ADAM29: variants seen among roughly 807,000 people sequenced by gnomAD.
ADAM29 encodes the protein disintegrin and metalloproteinase domain-containing protein 29.
For missense variants in ADAM29, 969 were observed against 1,001.8 expected (o/e 0.97, Z 0.44); for synonymous variants, 367 against 342.3 (o/e 1.07, Z -0.80).
chr4:174,922,174 C>T (rs10024229), intron 2 of ADAM29, among the ~76,000 whole-genome samples: 2,003 of 152,200 alleles, frequency 0.013, 46 homozygotes, highest in African/African-American at 0.045. Context: ...CATTAATAAG[C>T]ATAATGTAAC....
At chr4:174,957,845 C>T (rs372186336) in intron 4 of ADAM29, among the ~76,000 whole-genome samples, 15 of 151,752 alleles carry the variant, frequency 9.9e-5, no homozygotes, top group East Asian at 7.7e-4. Context: ...TTAAAATGTG[C>T]GATATTTGTT....
Position 174,925,181 on chromosome 4 carries a change from G to A in ADAM29, c.-451+4389G>A, listed in dbSNP as rs542880241. Among the ~76,000 whole-genome samples the A allele has an allele frequency of 2.0e-5, 3 of 152,256 alleles. No individual in the cohort carries two copies. In the South Asian group the frequency reaches 6.2e-4, roughly 32 times the overall value. ...ATGACTAATTGTGATGTGGTGTCCTGGATGGGACCTTGGAATCACAAACAG... is the reference window on the plus strand; with the variant it reads ...ATGACTAATTGTGATGTGGTGTCCTAGATGGGACCTTGGAATCACAAACAG... On this transcript the variant is annotated intron_variant, in intron 2 of 4. Transcript: ENST00000359240.
chr4:174,972,076 AT>A (rs1165212108), intron 4 of ADAM29, among the ~76,000 whole-genome samples: 6 of 152,174 alleles, frequency 3.9e-5, no homozygotes, highest in Non-Finnish European at 7.3e-5. Context: ...CTTTGTTGAA[AT>A]TCTAACTTTT....
Position 174,976,051 on chromosome 4 carries a change from G to A in ADAM29, c.526G>A (p.Glu176Lys), listed in dbSNP as rs899870236. ...FMQNEITCRMEFEEIDNSTQK... is the reference protein window; with the variant it reads ...FMQNEITCRMKFEEIDNSTQK... The stretch of plus-strand genomic sequence containing the variant: ...GCAAAATGAAATAACATGCCGAATG[G>A]AATTTGAAGAAATTGATAATTCCAC... Residue 176 changes from glutamate (E) to lysine (K), a missense_variant, in exon 5 of 5, where the codon GAA becomes AAA. Physicochemically the swap from Glu to Lys is moderately conservative, Grantham distance 56 (BLOSUM62 1). Coordinates refer to ENST00000359240, the MANE Select transcript of ADAM29 (RefSeq NM_014269.4). The A allele has an allele frequency of 1.9e-6, 3 of 1,610,452 alleles. No homozygotes were observed. The highest frequency in any genetic ancestry group is 2.5e-6 in the Non-Finnish European group (3 of 1,179,192).
At chr4:174,933,531 A>G (rs556513194) in intron 3 of ADAM29, among the ~76,000 whole-genome samples, 1 of 152,220 alleles carries the variant, frequency 6.6e-6, no homozygotes, top group African/African-American at 2.4e-5. Context: ...TATATAGGTA[A>G]ACATATGTCA....
At chr4:174,960,568 G>T (rs1163375861) in intron 4 of ADAM29, among the ~76,000 whole-genome samples, 1 of 152,008 alleles carries the variant, frequency 6.6e-6, no homozygotes, top group Non-Finnish European at 1.5e-5. Flanking sequence ...GATGAGAAGG[G>T]ACCTAAGAAT....
At chr4:174,935,532 T>C (rs1223267213) in intron 3 of ADAM29, among the ~76,000 whole-genome samples, 2 of 152,000 alleles carry the variant, frequency 1.3e-5, no homozygotes, top group Non-Finnish European at 2.9e-5. Context: ...GTTTATTTTG[T>C]TTTTTGTTTT....
chr4:174,953,103 G>T (rs1344280204), intron 4 of ADAM29, among the ~76,000 whole-genome samples: 1 of 152,100 alleles, frequency 6.6e-6, no homozygotes, highest in East Asian at 1.9e-4. Context: ...TGGCTAACAC[G>T]ATGAAACCCC....
At chr4:174,926,392 G>A (rs974585639) in intron 2 of ADAM29, among the ~76,000 whole-genome samples, 1 of 151,962 alleles carries the variant, frequency 6.6e-6, no homozygotes, top group African/African-American at 2.4e-5. Flanking sequence ...ATTATCTCAA[G>A]TTCTGAAAAT....
In ADAM29 at chr4:174,977,007, T is replaced by C. The variant is rs745824214; in HGVS notation, c.1482T>C (p.Tyr494=). The C allele has an allele frequency of 5.0e-6, 8 of 1,614,160 alleles. No individual in the cohort carries two copies. The East Asian group carries it at 1.6e-4, about 31-fold the overall frequency. ...GIPCKERGYC[Y]EKSCHDRNEQ... is the part of the protein sequence containing the mutation. ...CCTGTAAGGAGAGGGGCTACTGCTA[T>C]GAAAAGAGCTGTCATGACCGCAATG... is the stretch of plus-strand genomic sequence containing the variant. The change falls in exon 5 of 5, where the codon TAT becomes TAC. Residue 494 remains tyrosine (Y), a synonymous_variant. Transcript: ENST00000359240.
intron 4 of ADAM29, 55 bp downstream of exon 4, chr4:174,937,068 C>T (rs1161598830): frequency 6.6e-6 from 1 of 151,930 alleles, no homozygotes; most frequent in Non-Finnish European, 1.5e-5. Context: ...TAATTTCTAT[C>T]ACAATAAAAC....
At chr4:174,939,183 C>A (rs565552097) in intron 4 of ADAM29, among the ~76,000 whole-genome samples, 1 of 152,084 alleles carries the variant, frequency 6.6e-6, no homozygotes, top group Non-Finnish European at 1.5e-5. Context: ...TGGGACATAT[C>A]TTTTTGGGAG....
intron 2 of ADAM29, among the ~76,000 whole-genome samples, chr4:174,928,772 T>C (rs1320983457): frequency 6.6e-6 from 1 of 152,106 alleles, no homozygotes; most frequent in Admixed American, 6.6e-5. Flanking sequence ...TACGTGCTTA[T>C]CTAAGTTAAG....
chr4:174,976,232 T>G lies in ADAM29; in HGVS notation c.707T>G (p.Leu236Trp). ...YVIVNIVDSI[L>W]DVIGVKVLLF... ...ATTGTTAATATAGTGGATTCCATTT[T>G]GGATGTCATTGGTGTTAAGGTGTTA... is the stretch of plus-strand genomic sequence containing the variant. The change falls in exon 5 of 5, where the codon TTG becomes TGG. Residue 236 changes from leucine to tryptophan, a missense_variant. Physicochemically the swap from Leu to Trp is moderately conservative, Grantham distance 61. Coordinates refer to ENST00000359240, the MANE Select transcript of ADAM29 (RefSeq NM_014269.4). The G allele has an allele frequency of 6.2e-7, 1 of 1,604,940 alleles. No homozygotes were observed. Among genetic ancestry groups the G allele is most frequent in the East Asian group, 2.2e-5 (1 of 44,854 alleles).
At chr4:174,966,265 C>G (rs1746153109) in intron 4 of ADAM29, among the ~76,000 whole-genome samples, 1 of 152,080 alleles carries the variant, frequency 6.6e-6, no homozygotes, top group Admixed American at 6.5e-5. Context: ...ATGTGGAACC[C>G]ACAGATACAG....
Position 174,931,090 on chromosome 4 carries a change from C to T in ADAM29, c.-346C>T, listed in dbSNP as rs1489768389. 6.6e-6 allele frequency: 1 copy of T among 152,174 alleles called. No homozygotes were observed. Among genetic ancestry groups the T allele is most frequent in the African/African-American group, 2.4e-5 (1 of 41,428 alleles). 9.4% of individuals were successfully genotyped at this position (152,174 alleles called of 1,614,324 possible). A position where few individuals can be genotyped will look rare whatever the true frequency, so the allele number is the denominator to read the frequency against. ...GTCAATACTCCTGTGATCGTATAAC[C>T]ATCAGCAAGAAAACAAATTTGATTG... On this transcript the variant is annotated 5_prime_UTR_variant, in exon 3 of 5. Transcript: ENST00000359240.
At chr4:174,962,444 A>T (rs375056693) in intron 4 of ADAM29, among the ~76,000 whole-genome samples, 1 of 151,532 alleles carries the variant, frequency 6.6e-6, no homozygotes, top group Non-Finnish European at 1.5e-5. Flanking sequence ...CCCGGGAAGC[A>T]GAGCTTGCAG....
At position 174,975,413 on chromosome 4, in the gene ADAM29, C is replaced by T; in HGVS notation, c.-113C>T. The T allele has an allele frequency of 2.8e-6, 3 of 1,066,462 alleles. No individual in the cohort carries two copies. Among genetic ancestry groups the T allele is most frequent in the Non-Finnish European group, 3.9e-6 (3 of 767,672 alleles). The allele number at this position is 1,066,462 out of a possible 1,614,324, so 66.1% of individuals were successfully genotyped here. A position where few individuals can be genotyped will look rare whatever the true frequency, so the allele number is the denominator to read the frequency against. Reference sequence around the variant, plus strand: ...TTAATGATTAGCACTACACACTGACCAACTCAGAAGAAGGAGCCACACCAC... The same window carrying T: ...TTAATGATTAGCACTACACACTGACTAACTCAGAAGAAGGAGCCACACCAC... On this transcript the variant is annotated 5_prime_UTR_variant, in exon 5 of 5. Coordinates refer to ENST00000359240, the MANE Select transcript of ADAM29 (RefSeq NM_014269.4).
At chr4:174,964,827 A>T (rs1162313033) in intron 4 of ADAM29, among the ~76,000 whole-genome samples, 19 of 152,128 alleles carry the variant, frequency 1.2e-4, no homozygotes, top group Non-Finnish European at 2.5e-4. Flanking sequence ...TTTTTAAAAG[A>T]TGATTTATGA....
Sources: gnomAD v4.1 joint callset for allele counts (sites outside exome capture counted in the v4.1 genomes callset) on GRCh38, gnomAD v4.1.1 for gene constraint, MANE v1.5 for transcripts, NCBI Gene and HGNC (gene_info 2026-07-23, HGNC 2026-07-21) for gene names.